PCNX1: variants seen among roughly 807,000 people sequenced by gnomAD.
PCNX1 encodes the protein pecanex-like protein 1.
In PCNX1, 78 loss-of-function variants were observed where a neutral mutation model predicts 242.2. The observed-to-expected ratio is 0.32, with a 90% CI of 0.27 to 0.39. The LOEUF (loss-of-function observed/expected upper bound fraction) is 0.39. Among genes scored for constraint, PCNX1 ranks in the 10% least tolerant of loss-of-function variants. The probability of loss-of-function intolerance (pLI) is 1.00; values close to 1 mark genes in which losing one functional copy is unlikely to be tolerated. For missense variants in PCNX1, 2,581 were observed against 2,856.5 expected (o/e 0.90, Z 2.20); for synonymous variants, 1,024 against 1,032.9 (o/e 0.99, Z 0.17).
At chr14:71,082,747 C>G (rs2141565910) in intron 28 of PCNX1, among the ~76,000 whole-genome samples, 1 of 152,210 alleles carries the variant, frequency 6.6e-6, no homozygotes, top group South Asian at 2.1e-4. Context: ...TGTGTCTTTG[C>G]ACATGAGATG....
intron 32 of PCNX1, 76 bp downstream of exon 32, chr14:71,103,745 G>A (rs949857133): frequency 2.1e-6 from 3 of 1,397,534 alleles, no homozygotes; most frequent in South Asian, 2.5e-5. Flanking sequence ...CATCACCTGG[G>A]AAGCTTGTAG....
chr14:71,026,866 T>A lies in PCNX1; in HGVS notation c.3450T>A (p.His1150Gln), dbSNP rs1181605264. Reference protein sequence around the residue: ...VMYLCEQLDIHIFGGNATTSL... With the variant: ...VMYLCEQLDIQIFGGNATTSL... ...ACCTTTGTGAACAATTGGATATTCA[T>A]ATTTTTGGTGGTAATGGTGAGTACT... is the stretch of plus-strand genomic sequence containing the variant. The change falls in exon 15 of 36, where the codon CAT (histidine) becomes CAA (glutamine). Residue 1150 changes from histidine (H) to glutamine (Q), a missense_variant. His to Gln is a conservative substitution (Grantham distance 24, BLOSUM62 0). Transcript: ENST00000304743. 1 of 1,496,932 alleles carries A rather than the reference T, an allele frequency of 6.7e-7. No individual in the cohort carries two copies. Among genetic ancestry groups the A allele is most frequent in the African/African-American group, 1.4e-5 (1 of 72,696 alleles). The allele number at this position is 1,496,932 out of a possible 1,614,324, so 92.7% of individuals were successfully genotyped here.
intron 19 of PCNX1, chr14:71,044,712 G>GT (rs992140065): frequency 6.3e-6 from 1 of 157,922 alleles, no homozygotes; most frequent in African/African-American, 2.4e-5. Context: ...ACATAACCGT[G>GT]TGCTAAGCCA....
At chr14:71,002,202 T>C (rs1316180039) in intron 8 of PCNX1, among the ~76,000 whole-genome samples, 1 of 152,188 alleles carries the variant, frequency 6.6e-6, no homozygotes, top group Admixed American at 6.5e-5. Context: ...TTTAATTTTC[T>C]GATGAGTAAT....
intron 1 of PCNX1, among the ~76,000 whole-genome samples, chr14:70,941,829 G>A (rs2057259316): frequency 6.6e-6 from 1 of 152,194 alleles, no homozygotes; most frequent in African/African-American, 2.4e-5. Context: ...CCTCAGCAAT[G>A]GCGGACGCCC....
rs562198892 is a variant in PCNX1, at chr14:70,925,820, C to A, written c.153+17817C>A. 1.3e-3 allele frequency among the ~76,000 whole-genome samples: 199 copies of A among 152,228 alleles called. 1 individual carries two copies. The Middle Eastern group carries it at 0.014, about 10-fold the overall frequency. ...TTTTGCAGAGGAGGAAACAGAGGCT[C>A]CTAGGGGTTAAATCACTGGCTCATG... On this transcript the variant is annotated intron_variant, in intron 1 of 35. Transcript: ENST00000304743.
chr14:71,009,757 C>A, intron 9 of PCNX1, 33 bp downstream of exon 9: 1 of 1,236,052 alleles, frequency 8.1e-7, no homozygotes, highest in South Asian at 1.4e-5. Flanking sequence ...AGTGTGTGTA[C>A]TTTCATATGT....
chr14:70,951,183 C>A (rs975891129), intron 2 of PCNX1, among the ~76,000 whole-genome samples: 1 of 151,938 alleles, frequency 6.6e-6, no homozygotes, highest in Non-Finnish European at 1.5e-5. Context: ...TAGATGCTTT[C>A]TTTTTCATGT....
chr14:70,915,740 C>G (rs1188541953), intron 1 of PCNX1, among the ~76,000 whole-genome samples: 1 of 152,118 alleles, frequency 6.6e-6, no homozygotes, highest in Admixed American at 6.5e-5. Flanking sequence ...TAAAAATAGA[C>G]TTGTTGGATT....
intron 24 of PCNX1, chr14:71,053,187 C>T (rs1057472784): frequency 1.2e-4 from 52 of 436,882 alleles, no homozygotes; most frequent in Non-Finnish European, 1.2e-4. Flanking sequence ...TTCCTCTGGA[C>T]CAATTAGCCC....
intron 26 of PCNX1, among the ~76,000 whole-genome samples, chr14:71,069,226 A>G (rs1195947651): frequency 6.6e-6 from 1 of 152,164 alleles, no homozygotes; most frequent in Non-Finnish European, 1.5e-5. Context: ...TCCCTCTCAC[A>G]ATTATGGAAT....
Position 71,047,026 on chromosome 14 carries a change from A to G in PCNX1, c.4081A>G (p.Ile1361Val), listed in dbSNP as rs754609656. 1.8e-5 allele frequency: 29 copies of G among 1,610,808 alleles called. No individual in the cohort carries two copies. Among genetic ancestry groups the G allele is most frequent in the Non-Finnish European group, 2.5e-5 (29 of 1,177,740 alleles). ...HVWLLFVEKN[I>V]IYPLIVLNEL... is the part of the protein sequence containing the mutation. ...GTGGCTTCTTTTTGTGGAGAAGAAT[A>G]TAATCTATCCATTGATTGTTCTCAA... Residue 1361 changes from isoleucine (I) to valine (V), a missense_variant, in exon 21 of 36, where the codon ATA becomes GTA. Around this residue, in one of 9 missense-constraint regions of PCNX1, gnomAD observed 432 missense variants for 443.1 expected, o/e 0.97. Coordinates refer to ENST00000304743, the MANE Select transcript of PCNX1 (RefSeq NM_014982.3).
At chr14:71,026,332 T>C (rs540853886) in intron 14 of PCNX1, 44 bp downstream of exon 14, 9 of 1,182,606 alleles carry the variant, frequency 7.6e-6, no homozygotes, top group South Asian at 1.6e-5. Context: ...TTAATTTATT[T>C]GTATATCAAC....
chr14:71,104,654 C>T (rs935712607), intron 32 of PCNX1, among the ~76,000 whole-genome samples: 4 of 152,078 alleles, frequency 2.6e-5, no homozygotes, highest in Non-Finnish European at 5.9e-5. Flanking sequence ...CCAGGCCCGG[C>T]GCTGTGGCTC....
chr14:70,908,128 G>A, intron 1 of PCNX1, 125 bp downstream of exon 1: 1 of 864,520 alleles, frequency 1.2e-6, no homozygotes, highest in Non-Finnish European at 1.7e-6. Flanking sequence ...CTCGGTGTGA[G>A]GCTCCCCGCC....
chr14:71,064,187 C>T (rs2141311326), intron 26 of PCNX1, among the ~76,000 whole-genome samples: 1 of 152,112 alleles, frequency 6.6e-6, no homozygotes, highest in South Asian at 2.1e-4. Context: ...CATAGAATCC[C>T]TATTAATTAA....
intron 19 of PCNX1, among the ~76,000 whole-genome samples, chr14:71,042,549 ATG>A (rs1250359453): frequency 6.6e-6 from 1 of 151,476 alleles, no homozygotes; most frequent in African/African-American, 2.4e-5. Context: ...CTTTCAATCT[ATG>A]TGTGTGTTTA....
At chr14:70,959,943 C>G in intron 2 of PCNX1, among the ~76,000 whole-genome samples, 1 of 136,946 alleles carries the variant, frequency 7.3e-6, no homozygotes, top group South Asian at 2.6e-4. Context: ...GAGATGGTAT[C>G]TCATTGTGGT....
chr14:70,965,694 A>G (rs1213042475), intron 3 of PCNX1, among the ~76,000 whole-genome samples: 1 of 151,370 alleles, frequency 6.6e-6, no homozygotes, highest in East Asian at 1.9e-4. Flanking sequence ...ATAACGAAGT[A>G]AAAATTGCCA....
Sources: gnomAD v4.1 joint callset for allele counts (sites outside exome capture counted in the v4.1 genomes callset) on GRCh38, gnomAD v4.1.1 for gene constraint, gnomAD v4.1.1 regional missense constraint, MANE v1.5 for transcripts, NCBI Gene and HGNC (gene_info 2026-07-23, HGNC 2026-07-21) for gene names.